Variants in CRISP1 observed in about 807,000 individuals in gnomAD.
The protein encoded by CRISP1 is cysteine-rich secretory protein 1.
A neutral mutation model predicts 33.1 loss-of-function variants in CRISP1; 44 were observed. The ratio of observed to expected loss-of-function variants is 1.33; its 90% CI spans 1.05 to 1.71. CRISP1 has a LOEUF of 1.71. CRISP1 is among the 40% of genes most tolerant of loss of function. The pLI is 0.00. For missense variants in CRISP1, 390 were observed against 301.2 expected (o/e 1.29, Z -2.18); for synonymous variants, 103 against 98.7 (o/e 1.04, Z -0.26).
chr6:49,837,016 T>C (rs1443198658), intron 7 of CRISP1, among the ~76,000 whole-genome samples: 3 of 152,164 alleles, frequency 2.0e-5, no homozygotes, highest in Non-Finnish European at 4.4e-5. Context: ...ATATTTTCTT[T>C]GAATCTGTAA....
intron 2 of CRISP1, 132 bp from the exon 3 acceptor site, chr6:49,852,261 A>G (rs557951296): frequency 5.5e-5 from 43 of 783,382 alleles, no homozygotes; most frequent in Non-Finnish European, 7.6e-5. Flanking sequence ...TTGAATTTAT[A>G]ATGTCTCATT....
chr6:49,841,374 G>A (rs1770982161), intron 5 of CRISP1, among the ~76,000 whole-genome samples: 1 of 152,126 alleles, frequency 6.6e-6, no homozygotes, highest in South Asian at 2.1e-4. Context: ...GTAGAGAGAG[G>A]GTAAAGGTCC....
In CRISP1 at chr6:49,838,463, G is replaced by A. The variant is rs998163222; in HGVS notation, c.596C>T (p.Pro199Leu). 3 of 1,613,092 alleles carry A rather than the reference G, an allele frequency of 1.9e-6. No homozygotes were observed. The highest frequency in any genetic ancestry group is 2.5e-6 in the Non-Finnish European group (3 of 1,179,484). The change falls in exon 7 of 8, where the codon CCA (proline) becomes CTA (leucine). Residue 199 changes from proline (P) to leucine (L), a missense_variant. Pro to Leu is a moderately conservative substitution (Grantham distance 98). Transcript: ENST00000335847. Reference sequence around the variant, plus strand: ...GCAAAGTTTGTCTTCACAGTTACTTGGGCAGGCTTCACATGGGACGCCTGT... The same window carrying A: ...GCAAAGTTTGTCTTCACAGTTACTTAGGCAGGCTTCACATGGGACGCCTGT... ...YKTGVPCEACPSNCEDKLCTN... is the reference protein window; with the variant it reads ...YKTGVPCEACLSNCEDKLCTN...
Position 49,857,374 on chromosome 6 carries a change from C to A in CRISP1, c.27G>T (p.Leu9Phe). MEIKHLLF[L>F]VAAACLLPML... ...TAGGCAGTAAGCAAGCAGCAGCAAC[C>A]AAAAACAAGAGGTGTTTAATTTCCA... Residue 9 changes from leucine (L) to phenylalanine (F), a missense_variant, in exon 2 of 8, where the codon TTG (leucine) becomes TTT (phenylalanine). Transcript: ENST00000335847. 1 of 1,612,864 alleles carries A rather than the reference C, an allele frequency of 6.2e-7. No individual in the cohort carries two copies.
chr6:49,852,490 C>T (rs1256470619), intron 2 of CRISP1, among the ~76,000 whole-genome samples: 2 of 152,232 alleles, frequency 1.3e-5, no homozygotes, highest in Non-Finnish European at 2.9e-5. Flanking sequence ...GCTTATTCTC[C>T]ACATCTCCCA....
chr6:49,845,122 G>T (rs1435418842), intron 5 of CRISP1, among the ~76,000 whole-genome samples: 1 of 152,152 alleles, frequency 6.6e-6, no homozygotes, highest in African/African-American at 2.4e-5. Flanking sequence ...CTTCCATCCA[G>T]TGTAGCTGTA....
In CRISP1 at chr6:49,864,918, T is replaced by C. The variant is rs149016233; in HGVS notation, c.-3+1511A>G. 1.8e-3 allele frequency among the ~76,000 whole-genome samples: 274 copies of C among 152,254 alleles called. 1 individual carries two copies. The highest frequency in any genetic ancestry group is 6.4e-3 in the African/African-American group (266 of 41,566). Reference sequence around the variant, plus strand: ...TTCTAATTCAAATAAATCTAGCTAATTTTTATTTTCTTATGTTAGTGCTTA... The same window carrying C: ...TTCTAATTCAAATAAATCTAGCTAACTTTTATTTTCTTATGTTAGTGCTTA... On this transcript the variant is annotated intron_variant, in intron 1 of 7. Coordinates refer to ENST00000335847, the MANE Select transcript of CRISP1 (RefSeq NM_001131.3).
In CRISP1 at chr6:49,848,213, A is replaced by T; in HGVS notation, c.282T>A (p.Leu94=). 1 of 1,573,852 alleles carries T rather than the reference A, an allele frequency of 6.4e-7. No homozygotes were observed. The highest frequency in any genetic ancestry group is 8.6e-7 in the Non-Finnish European group (1 of 1,161,988). Residue 94 remains leucine (L), a synonymous_variant, in exon 4 of 8, where the codon CTT becomes CTA. Coordinates refer to ENST00000335847, the MANE Select transcript of CRISP1 (RefSeq NM_001131.3). ...GTCATATAGATACACACTTACTTGG[A>T]AGTCTCCTCTCAAGGGGGTTGCTCT... ...MTESNPLERR[L]PNTFCGENMH... is the part of the protein sequence containing the mutation.
intron 2 of CRISP1, 147 bp from the exon 3 acceptor site, chr6:49,852,276 T>C: frequency 1.4e-6 from 1 of 694,850 alleles, no homozygotes; most frequent in Non-Finnish European, 2.3e-6. Context: ...CTCATTATAT[T>C]GGATTCCATT....
intron 1 of CRISP1, among the ~76,000 whole-genome samples, chr6:49,875,234 A>G (rs1293317536): frequency 6.6e-6 from 1 of 152,018 alleles, no homozygotes; most frequent in Non-Finnish European, 1.5e-5. Context: ...TACAAAGTCA[A>G]TGTGCAAAAG....
intron 3 of CRISP1, among the ~76,000 whole-genome samples, chr6:49,850,676 C>T (rs968525094): frequency 1.3e-5 from 2 of 152,034 alleles, no homozygotes; most frequent in African/African-American, 2.4e-5. Flanking sequence ...TTACTTTTAT[C>T]GTCTTCTTGA....
intron 1 of CRISP1, among the ~76,000 whole-genome samples, chr6:49,858,164 A>T (rs1439116888): frequency 6.6e-6 from 1 of 152,210 alleles, no homozygotes; most frequent in African/African-American, 2.4e-5. Flanking sequence ...ACTTAGCGAT[A>T]TTCCATAATA....
intron 5 of CRISP1, among the ~76,000 whole-genome samples, 168 bp downstream of exon 5, chr6:49,846,352 T>C (rs886444016): frequency 6.6e-6 from 1 of 152,176 alleles, no homozygotes; most frequent in Non-Finnish European, 1.5e-5. Flanking sequence ...CTCTAAGTCG[T>C]ATTTTGAACA....
intron 2 of CRISP1, among the ~76,000 whole-genome samples, chr6:49,856,387 A>G (rs1381054580): frequency 6.6e-6 from 1 of 152,156 alleles, no homozygotes; most frequent in Admixed American, 6.6e-5. Context: ...CTGGGGAAGT[A>G]AAATGGTCAG....
At chr6:49,844,025 T>C (rs867802665) in intron 5 of CRISP1, among the ~76,000 whole-genome samples, 11 of 152,164 alleles carry the variant, frequency 7.2e-5, no homozygotes, top group African/African-American at 2.7e-4. Flanking sequence ...TTTCTCCTCA[T>C]CACTTATAGT....
At chr6:49,836,428 C>T (rs1451031964) in intron 7 of CRISP1, among the ~76,000 whole-genome samples, 9 of 151,494 alleles carry the variant, frequency 5.9e-5, no homozygotes, top group South Asian at 2.1e-4. Context: ...CTCTGCCTCC[C>T]GGGTTCACGC....
chr6:49,873,235 G>T (rs1771966754), intron 1 of CRISP1, among the ~76,000 whole-genome samples: 1 of 151,816 alleles, frequency 6.6e-6, no homozygotes, highest in Middle Eastern at 3.4e-3. Context: ...ATTGTTCAAG[G>T]ATATAACACA....
Position 49,834,994 on chromosome 6 carries a change from A to G in CRISP1, c.*322T>C. The G allele has an allele frequency of 5.3e-6, 1 of 187,052 alleles. No individual in the cohort carries two copies. Among genetic ancestry groups the G allele is most frequent in the Non-Finnish European group, 1.1e-5 (1 of 91,896 alleles). 11.6% of individuals were successfully genotyped at this position (187,052 alleles called of 1,614,324 possible). On this transcript the variant is annotated 3_prime_UTR_variant, in exon 8 of 8. Transcript: ENST00000335847. ...AAAATATGGGGAAGGCGGGGGTGGG[A>G]GTTGAACCACATAAGACCTATTTTA... is the stretch of plus-strand genomic sequence containing the variant.
rs1405361263 is a variant in CRISP1 at position 49,834,713 on chromosome 6, C to T, written c.*603G>A. The T allele has an allele frequency of 6.6e-6, 1 of 152,084 alleles. No individual in the cohort carries two copies. Among genetic ancestry groups the T allele is most frequent in the African/African-American group, 2.4e-5 (1 of 41,386 alleles). The allele number at this position is 152,084 out of a possible 1,614,324, so 9.4% of individuals were successfully genotyped here. A position where few individuals can be genotyped will look rare whatever the true frequency, so the allele number is the denominator to read the frequency against. ...TCTTGTATGCAATCAGTACTGAATA[C>T]ATATTTTGTTAAATTAATGGCATAC... On this transcript the variant is annotated 3_prime_UTR_variant, in exon 8 of 8. Transcript: ENST00000335847.
Sources: allele counts gnomAD v4.1 joint callset (sites outside exome capture counted in the v4.1 genomes callset), GRCh38; gene constraint gnomAD v4.1.1; transcripts MANE v1.5; gene names NCBI Gene and HGNC (gene_info 2026-07-23, HGNC 2026-07-21).